MACROD2: variants seen among roughly 807,000 people sequenced by gnomAD.
MACROD2 encodes ADP-ribose glycohydrolase MACROD2.
In MACROD2, 36 loss-of-function variants were observed where a neutral mutation model predicts 70.4. The observed-to-expected ratio is 0.51, with a 90% CI of 0.39 to 0.68. The LOEUF is 0.68. Ranked by LOEUF, MACROD2 falls within the 30% of genes least tolerant of loss-of-function variation. MACROD2 has a pLI of 0.00. For missense variants in MACROD2, 496 were observed against 538.4 expected, an observed-to-expected ratio of 0.92 and a Z score of 0.78; for synonymous variants, 172 against 178.8, an observed-to-expected ratio of 0.96 and a Z score of 0.30.
intron 8 of MACROD2, among the ~76,000 whole-genome samples, chr20:15,806,829 C>T (rs1218993247): frequency 3.3e-5 from 5 of 152,050 alleles, no homozygotes; most frequent in African/African-American, 1.2e-4. Context: ...GACCTTAATT[C>T]GGCCATGTGG....
At chr20:14,705,819 G>T (rs111641717) in intron 5 of MACROD2, among the ~76,000 whole-genome samples, 4,784 of 152,140 alleles carry the variant, frequency 0.031, 102 homozygotes, top group Non-Finnish European at 0.046. Flanking sequence ...AATGATTCTA[G>T]ATGTTTTGCT....
chr20:15,714,732 G>A (rs2050682039), intron 8 of MACROD2, among the ~76,000 whole-genome samples: 1 of 151,998 alleles, frequency 6.6e-6, no homozygotes, highest in Non-Finnish European at 1.5e-5. Flanking sequence ...ATAAATATGT[G>A]TCATATATTT....
chr20:15,008,581 C>T (rs1025251846), intron 5 of MACROD2, among the ~76,000 whole-genome samples: 11 of 152,166 alleles, frequency 7.2e-5, no homozygotes, highest in African/African-American at 1.4e-4. Flanking sequence ...TGGATGCACA[C>T]GCAGATAACT....
Position 15,561,607 on chromosome 20 carries a change from A to AT in MACROD2, c.645+61769dup, listed in dbSNP as rs200257530. On this transcript the variant is annotated intron_variant, in intron 8 of 17. Transcript: ENST00000684519. ...TTTCCTTTATCCTTCGTGAAAATCAATTTTTTTTTAAATGAATGAATGAGA... is the reference window on the plus strand; with the variant it reads ...TTTCCTTTATCCTTCGTGAAAATCAATTTTTTTTTTAAATGAATGAATGAGA... Among the ~76,000 whole-genome samples the AT allele has an allele frequency of 4.2e-3, 641 of 151,850 alleles. 6 individuals are homozygous for AT. The highest frequency in any genetic ancestry group is 0.015 in the African/African-American group (602 of 41,430).
At chr20:14,638,024 T>C (rs2123484647) in intron 4 of MACROD2, among the ~76,000 whole-genome samples, 1 of 152,194 alleles carries the variant, frequency 6.6e-6, no homozygotes, top group African/African-American at 2.4e-5. Context: ...TTTTTTTCTT[T>C]CTGGGTTTTT....
chr20:14,515,471 A>ACGCGCGCGCGCG (rs1182346144), intron 4 of MACROD2, among the ~76,000 whole-genome samples: 31 of 99,784 alleles, frequency 3.1e-4, no homozygotes, highest in Admixed American at 1.1e-3. Context: ...ACACGCACAC[A>ACGCGCGCGCGCG]CACACACACA....
At chr20:14,696,780 G>A (rs2071130842) in intron 5 of MACROD2, among the ~76,000 whole-genome samples, 2 of 152,188 alleles carry the variant, frequency 1.3e-5, no homozygotes, top group Non-Finnish European at 2.9e-5. Context: ...GGTCTGTGGA[G>A]GGCAAAGGGC....
chr20:14,018,807 C>T (rs1162671429), intron 2 of MACROD2, among the ~76,000 whole-genome samples: 1 of 152,126 alleles, frequency 6.6e-6, no homozygotes, highest in African/African-American at 2.4e-5. Flanking sequence ...GCTTGCTGCC[C>T]AGTGTGCATA....
chr20:15,551,371 G>C (rs1415594028), intron 8 of MACROD2, among the ~76,000 whole-genome samples: 1 of 141,366 alleles, frequency 7.1e-6, no homozygotes, highest in African/African-American at 2.6e-5. Flanking sequence ...CTTGTCTTTT[G>C]TCACCTCGTT....
chr20:15,180,651 G>T (rs960171163), intron 5 of MACROD2, among the ~76,000 whole-genome samples: 3 of 152,156 alleles, frequency 2.0e-5, no homozygotes, highest in Admixed American at 6.5e-5. Context: ...TTCTCTAGAA[G>T]CTAGTTTTGT....
chr20:14,159,676 C>T (rs868104128), intron 3 of MACROD2, among the ~76,000 whole-genome samples: 8 of 152,164 alleles, frequency 5.3e-5, no homozygotes, highest in Non-Finnish European at 8.8e-5. Context: ...CAGAGAGGGG[C>T]AGTTTGACTT....
At chr20:15,517,621 C>T (rs1197248693) in intron 8 of MACROD2, among the ~76,000 whole-genome samples, 1 of 151,996 alleles carries the variant, frequency 6.6e-6, no homozygotes, top group East Asian at 1.9e-4. Flanking sequence ...AATAAATGAG[C>T]GAATGGGAGG....
At chr20:15,835,526 A>G (rs2064104640) in intron 8 of MACROD2, among the ~76,000 whole-genome samples, 1 of 152,138 alleles carries the variant, frequency 6.6e-6, no homozygotes, top group South Asian at 2.1e-4. Context: ...TATGCAATTA[A>G]TGTAGTAAAT....
intron 5 of MACROD2, among the ~76,000 whole-genome samples, chr20:14,711,986 T>C (rs535586840): frequency 2.6e-5 from 4 of 152,134 alleles, no homozygotes; most frequent in African/African-American, 9.7e-5. Flanking sequence ...CTTTTTCACA[T>C]CAGAGGTTTA....
chr20:14,663,026 T>C (rs1388475378), intron 4 of MACROD2, among the ~76,000 whole-genome samples: 4 of 152,148 alleles, frequency 2.6e-5, no homozygotes, highest in East Asian at 3.8e-4. Context: ...TGAAGACACA[T>C]GCACACATAT....
chr20:13,996,891 A>G (rs117724407), intron 1 of MACROD2, among the ~76,000 whole-genome samples: 5 of 152,344 alleles, frequency 3.3e-5, no homozygotes, highest in Non-Finnish European at 5.9e-5. Flanking sequence ...ACAAAAGGAT[A>G]TAGGGGTGAC....
At chr20:14,935,862 T>C (rs2074336307) in intron 5 of MACROD2, among the ~76,000 whole-genome samples, 1 of 152,240 alleles carries the variant, frequency 6.6e-6, no homozygotes, top group Admixed American at 6.5e-5. Context: ...TTGTATTTTC[T>C]CTGTGTTGTG....
intron 5 of MACROD2, among the ~76,000 whole-genome samples, chr20:14,705,814 T>G (rs1326189316): frequency 1.3e-5 from 2 of 152,174 alleles, no homozygotes; most frequent in Non-Finnish European, 2.9e-5. Context: ...ACATTAATGA[T>G]TCTAGATGTT....
chr20:15,701,052 A>C (rs969156132), intron 8 of MACROD2, among the ~76,000 whole-genome samples: 2 of 152,206 alleles, frequency 1.3e-5, no homozygotes, highest in Admixed American at 1.3e-4. Context: ...AAATTTTGAG[A>C]ACTGCTGACC....
Sources: gnomAD v4.1 joint callset for allele counts (sites outside exome capture counted in the v4.1 genomes callset) on GRCh38, gnomAD v4.1.1 for gene constraint, MANE v1.5 for transcripts, NCBI Gene and HGNC (gene_info 2026-07-23, HGNC 2026-07-21) for gene names.